The following SLC35F4 variants were observed in gnomAD, a reference collection of about 807,000 sequenced individuals.
SLC35F4 encodes the protein solute carrier family 35 member F4.
SLC35F4 carries 24 observed loss-of-function variants against 44.2 expected under a neutral mutation model. That is an observed-to-expected ratio of 0.54 (90% CI 0.39 to 0.76). The LOEUF (loss-of-function observed/expected upper bound fraction) is 0.76, where lower values mean the gene tolerates loss of function less well. Ranked by LOEUF, SLC35F4 falls within the 30% of genes least tolerant of loss-of-function variation. The pLI is 0.00. For missense variants in SLC35F4, 562 were observed against 586.1 expected (o/e 0.96, Z 0.42); for synonymous variants, 238 against 223.6 (o/e 1.06, Z -0.57).
At chr14:57,630,480 A>C (rs1422937946) in intron 1 of SLC35F4, 1 of 915,296 alleles carries the variant, frequency 1.1e-6, no homozygotes, top group African/African-American at 1.6e-5. Context: ...ATGAAGGCTG[A>C]ATCACATTCT....
chr14:57,944,262 C>T (rs932600584), intron 1 of SLC35F4, among the ~76,000 whole-genome samples: 7 of 146,588 alleles, frequency 4.8e-5, no homozygotes, highest in Admixed American at 1.3e-4. Context: ...CAAATATTCC[C>T]TGATATCTAT....
rs542935863 is a variant in SLC35F4 at position 57,821,621 on chromosome 14, T to C, written c.103+44102A>G. Among the ~76,000 whole-genome samples, 34 of 152,336 alleles carry C rather than the reference T, an allele frequency of 2.2e-4. 1 individual carries two copies. In the South Asian group the frequency reaches 7.0e-3, roughly 32 times the overall value. ...AGTAAAGTTTATCCGTGGACAACCA[T>C]GAGCACCTCAAGTATAGTCAATTCT... is the stretch of plus-strand genomic sequence containing the variant. On this transcript the variant is annotated intron_variant, in intron 1 of 7. Coordinates refer to ENST00000556826, the MANE Select transcript of SLC35F4 (RefSeq NM_001306087.2).
At chr14:57,840,522 G>A (rs1225273941) in intron 1 of SLC35F4, among the ~76,000 whole-genome samples, 3 of 152,174 alleles carry the variant, frequency 2.0e-5, no homozygotes, top group Non-Finnish European at 2.9e-5. Context: ...AGCTATACTT[G>A]TGGAAACACT....
At chr14:57,617,161 C>T (rs1288277130) in intron 1 of SLC35F4, among the ~76,000 whole-genome samples, 1 of 99,840 alleles carries the variant, frequency 1.0e-5, no homozygotes, top group African/African-American at 3.7e-5. Flanking sequence ...GACAGAGTCT[C>T]GCTCTGTCGC....
chr14:57,600,672 A>C, intron 1 of SLC35F4, among the ~76,000 whole-genome samples: 1 of 104,978 alleles, frequency 9.5e-6, no homozygotes, highest in Non-Finnish European at 1.9e-5. Context: ...AGCCTGGGCG[A>C]CAGAGCAAGA....
intron 1 of SLC35F4, chr14:57,596,888 G>T (rs1203207014): frequency 7.3e-7 from 1 of 1,367,224 alleles, no homozygotes; most frequent in Admixed American, 1.9e-5. Flanking sequence ...TCCAAGAGTA[G>T]TTCATCCATG....
chr14:57,837,260 C>A (rs1885022817), intron 1 of SLC35F4: 1 of 152,186 alleles, frequency 6.6e-6, no homozygotes, highest in African/African-American at 2.4e-5. Context: ...GACACTGTTA[C>A]AGGGAATCAT....
intron 3 of SLC35F4, among the ~76,000 whole-genome samples, chr14:57,588,012 C>A (rs2069890824): frequency 6.6e-6 from 1 of 151,844 alleles, no homozygotes; most frequent in Non-Finnish European, 1.5e-5. Flanking sequence ...ATGGTGAAAC[C>A]CATCTCTACT....
intron 1 of SLC35F4, among the ~76,000 whole-genome samples, chr14:57,911,981 T>A (rs1889224711): frequency 6.6e-6 from 1 of 151,980 alleles, no homozygotes. Context: ...AATCAGATTG[T>A]TTATTTCCTG....
intron 4 of SLC35F4, among the ~76,000 whole-genome samples, chr14:57,572,978 A>G (rs183238693): frequency 1.1e-4 from 15 of 139,406 alleles, no homozygotes; most frequent in Admixed American, 5.6e-4. Context: ...AGAAATTTAA[A>G]CCTACATGGT....
rs138798797 is a variant in SLC35F4 at position 57,753,713 on chromosome 14, G to A, written c.103+112010C>T. On this transcript the variant is annotated intron_variant, in intron 1 of 7. Transcript: ENST00000556826. ...TGTGAGTTCTTCAGTTCAGGGAGCT[G>A]CTGCCCTTCTTCCAGGCTACCCAAC... Among the ~76,000 whole-genome samples the A allele has an allele frequency of 1.5e-3, 227 of 152,302 alleles. 1 individual carries two copies. Among genetic ancestry groups the A allele is most frequent in the Middle Eastern group, 6.8e-3 (2 of 294 alleles).
chr14:57,736,270 C>T (rs1450205393), intron 1 of SLC35F4, among the ~76,000 whole-genome samples: 3 of 152,134 alleles, frequency 2.0e-5, no homozygotes, highest in Non-Finnish European at 2.9e-5. Flanking sequence ...AGTGTTCTGG[C>T]TGCATTAAAA....
At chr14:57,729,769 T>C (rs1390739439) in intron 1 of SLC35F4, among the ~76,000 whole-genome samples, 1 of 152,200 alleles carries the variant, frequency 6.6e-6, no homozygotes, top group Non-Finnish European at 1.5e-5. Flanking sequence ...AGCCTAGCAC[T>C]AGCCGTTGCC....
At chr14:57,661,062 A>G (rs2074122015) in intron 1 of SLC35F4, among the ~76,000 whole-genome samples, 1 of 152,208 alleles carries the variant, frequency 6.6e-6, no homozygotes, top group Non-Finnish European at 1.5e-5. Context: ...TTCACACAAA[A>G]TTAAATTAGG....
chr14:57,680,196 G>A (rs769527242), intron 1 of SLC35F4, among the ~76,000 whole-genome samples: 2 of 152,042 alleles, frequency 1.3e-5, no homozygotes, highest in South Asian at 4.1e-4. Flanking sequence ...AGCGTCATCC[G>A]TGGGATGCAA....
intron 1 of SLC35F4, chr14:57,596,705 G>C: frequency 9.0e-7 from 1 of 1,117,156 alleles, no homozygotes; most frequent in South Asian, 1.2e-5. Context: ...TTGGTAACTT[G>C]TGTGTAGCGA....
At chr14:57,930,924 G>T (rs1412148910) in intron 1 of SLC35F4, among the ~76,000 whole-genome samples, 1 of 152,064 alleles carries the variant, frequency 6.6e-6, no homozygotes, top group Non-Finnish European at 1.5e-5. Flanking sequence ...CATCCTTCAG[G>T]AAAACCCTGA....
chr14:57,814,753 C>T (rs937803176), intron 1 of SLC35F4, among the ~76,000 whole-genome samples: 3 of 152,156 alleles, frequency 2.0e-5, no homozygotes, highest in Non-Finnish European at 2.9e-5. Flanking sequence ...CATGTCCAAA[C>T]ATTTGGACCC....
intron 1 of SLC35F4, among the ~76,000 whole-genome samples, chr14:57,970,219 A>T (rs531219841): frequency 6.6e-6 from 1 of 152,336 alleles, no homozygotes; most frequent in Non-Finnish European, 1.5e-5. Flanking sequence ...TCATTTCTCA[A>T]CTTGTCCACC....
Sources: allele counts gnomAD v4.1 joint callset (sites outside exome capture counted in the v4.1 genomes callset), GRCh38; gene constraint gnomAD v4.1.1; transcripts MANE v1.5; gene names NCBI Gene and HGNC (gene_info 2026-07-23, HGNC 2026-07-21).